The following MAST4 variants were observed in gnomAD, a reference collection of about 807,000 sequenced individuals.
MAST4 encodes microtubule-associated serine/threonine-protein kinase 4.
MAST4 carries 89 observed loss-of-function variants against 162.7 expected under a neutral mutation model. That is an observed-to-expected ratio of 0.55 (90% CI 0.46 to 0.65). The LOEUF is 0.65. Ranked by LOEUF, MAST4 falls within the 30% of genes least tolerant of loss-of-function variation. The pLI, the probability that MAST4 is intolerant of heterozygous loss-of-function variation, is 0.00. For synonymous variants in MAST4, 1,479 were observed against 1,361.1 expected (o/e 1.09, Z -1.91); for missense variants, 3,153 against 3,374.0 (o/e 0.93, Z 1.62).
At chr5:66,650,234 C>T (rs1463744460) in intron 1 of MAST4, among the ~76,000 whole-genome samples, 2 of 152,106 alleles carry the variant, frequency 1.3e-5, no homozygotes, top group African/African-American at 4.8e-5. Context: ...TGTCTCCTTG[C>T]TCTGGCTTGG....
chr5:66,674,273 G>A (rs1241680650), intron 1 of MAST4, among the ~76,000 whole-genome samples: 1 of 152,142 alleles, frequency 6.6e-6, no homozygotes, highest in East Asian at 1.9e-4. Context: ...AGGTAGTAAG[G>A]CATGAGAGAG....
At chr5:66,684,997 C>T (rs979545792) in intron 1 of MAST4, among the ~76,000 whole-genome samples, 1 of 152,184 alleles carries the variant, frequency 6.6e-6, no homozygotes, top group Non-Finnish European at 1.5e-5. Context: ...TGGGGTGGCT[C>T]ATGCCTATAA....
Position 67,078,748 on chromosome 5 carries a change from T to TTATATTTATCTAAATATATA in MAST4, c.764-11411_764-11410insATTTATCTAAATATATATAT, listed in dbSNP as rs1554093745. Among the ~76,000 whole-genome samples the TTATATTTATCTAAATATATA allele has an allele frequency of 2.8e-3, 371 of 133,134 alleles. 5 individuals carry two copies. Among genetic ancestry groups the TTATATTTATCTAAATATATA allele is most frequent in the African/African-American group, 0.01 (357 of 35,666 alleles). 87.3% of individuals were successfully genotyped at this position (133,134 alleles called of 152,430 possible). A position where few individuals can be genotyped will look rare whatever the true frequency, so the allele number is the denominator to read the frequency against. On this transcript the variant is annotated intron_variant, in intron 5 of 28. Transcript: ENST00000403625. Reference sequence around the variant, plus strand: ...TATTTATATTTATCTAAATATATATTTATTTATATTTATCTAAATATATAT... The same window carrying TTATATTTATCTAAATATATA: ...TATTTATATTTATCTAAATATATATTTATATTTATCTAAATATATATATTTATATTTATCTAAATATATAT...
chr5:66,927,514 C>T (rs1764988544), intron 4 of MAST4, among the ~76,000 whole-genome samples: 1 of 152,188 alleles, frequency 6.6e-6, no homozygotes, highest in African/African-American at 2.4e-5. Context: ...CTGTCCCTTA[C>T]TCTCAACCAG....
At chr5:66,845,085 T>TTATATATATATATATA (rs752796951) in intron 3 of MAST4, among the ~76,000 whole-genome samples, 17 of 57,968 alleles carry the variant, frequency 2.9e-4, no homozygotes, top group African/African-American at 1.1e-3. Flanking sequence ...TCACTAATCT[T>TTATATATATATATATA]TATATATATA....
chr5:66,977,450 A>G (rs962719351), intron 4 of MAST4, among the ~76,000 whole-genome samples: 1 of 152,192 alleles, frequency 6.6e-6, no homozygotes, highest in African/African-American at 2.4e-5. Flanking sequence ...GAGAAAGTAG[A>G]AAAAGCAGAA....
At chr5:66,959,188 G>A (rs994209874) in intron 4 of MAST4, 20 of 778,714 alleles carry the variant, frequency 2.6e-5, no homozygotes, top group African/African-American at 1.5e-4. Context: ...TGTCATCACC[G>A]GGACGCTGGC....
intron 3 of MAST4, among the ~76,000 whole-genome samples, chr5:66,790,108 G>A (rs763167810): frequency 6.8e-6 from 1 of 146,794 alleles, no homozygotes; most frequent in Non-Finnish European, 1.5e-5. Context: ...TGTATGATAT[G>A]GAAATAGATT....
intron 4 of MAST4, among the ~76,000 whole-genome samples, chr5:66,924,324 TG>T: frequency 6.6e-6 from 1 of 152,248 alleles, no homozygotes; most frequent in Non-Finnish European, 1.5e-5. Context: ...CCTATTATTG[TG>T]GTCTATCTTT....
At chr5:67,017,757 C>T (rs1416010088) in intron 4 of MAST4, among the ~76,000 whole-genome samples, 2 of 151,884 alleles carry the variant, frequency 1.3e-5, no homozygotes, top group Admixed American at 1.3e-4. Context: ...CGCCACTATG[C>T]CCAGCTAATT....
intron 1 of MAST4, among the ~76,000 whole-genome samples, chr5:66,605,842 G>A (rs1447862165): frequency 6.6e-6 from 1 of 152,134 alleles, no homozygotes; most frequent in Non-Finnish European, 1.5e-5. Flanking sequence ...CCTCAATATC[G>A]TTTTTGTTTT....
At position 67,166,780 on chromosome 5, in the gene MAST4, A is replaced by ACCAC; in HGVS notation, c.7604_7607dup (p.Asp2537ProfsTer39). On this transcript the variant is annotated frameshift_variant, in exon 29 of 29. Transcript: ENST00000403625. LOFTEE classifies it low-confidence loss of function (END_TRUNC). ...GTCTCCACCCTGCCTCTGGAGTCAC[A>ACCAC]CCACCCCGACCCAAACACCATGGGC... 1 of 1,600,822 alleles carries ACCAC rather than the reference A, an allele frequency of 6.2e-7. No homozygotes were observed. The highest frequency in any genetic ancestry group is 1.1e-5 in the South Asian group (1 of 88,696).
chr5:66,701,398 C>T (rs538109066), intron 1 of MAST4, among the ~76,000 whole-genome samples: 4 of 152,266 alleles, frequency 2.6e-5, no homozygotes, highest in Admixed American at 6.5e-5. Flanking sequence ...GGTGCATCCC[C>T]GTGTCTCTCC....
chr5:66,881,247 A>G (rs1761673908), intron 3 of MAST4, among the ~76,000 whole-genome samples: 1 of 152,182 alleles, frequency 6.6e-6, no homozygotes, highest in South Asian at 2.1e-4. Context: ...CAGCAAAATG[A>G]CAGCTGTTTT....
rs144233492 is a variant in MAST4 at position 66,782,237 on chromosome 5, C to T, written c.518-6433C>T. ...CGAGAAGGTGGAGGTTGCAGGGAGC[C>T]GAGATAATGCCACTGCACTCCAGCC... On this transcript the variant is annotated intron_variant, in intron 2 of 28. Coordinates refer to ENST00000403625, the MANE Select transcript of MAST4 (RefSeq NM_001164664.2). Among the ~76,000 whole-genome samples, 674 of 147,844 alleles carry T rather than the reference C, an allele frequency of 4.6e-3. 6 individuals are homozygous for T. The highest frequency in any genetic ancestry group is 0.016 in the African/African-American group (641 of 40,052).
intron 1 of MAST4, among the ~76,000 whole-genome samples, chr5:66,598,834 C>A (rs572781055): frequency 7.2e-5 from 11 of 152,278 alleles, no homozygotes; most frequent in East Asian, 1.9e-4. Context: ...AACTTCTGAT[C>A]CCCATTCTGT....
At chr5:66,629,147 A>T (rs1489248702) in intron 1 of MAST4, among the ~76,000 whole-genome samples, 1 of 152,184 alleles carries the variant, frequency 6.6e-6, no homozygotes, top group African/African-American at 2.4e-5. Context: ...CTGCATTGAT[A>T]ATCACCAATA....
chr5:67,002,333 A>G lies in MAST4; in HGVS notation c.675-52071A>G, dbSNP rs1042242166. Among the ~76,000 whole-genome samples the G allele has an allele frequency of 3.9e-5, 6 of 152,172 alleles. No homozygotes were observed. In the South Asian group the frequency reaches 8.3e-4, roughly 21 times the overall value. On this transcript the variant is annotated intron_variant, in intron 4 of 28. Transcript: ENST00000403625. ...ATAGTTTCAGTGCATCTTAAGAGAA[A>G]TAAGAGATACTTGGGCTTCTGAAGT...
chr5:67,058,666 A>G (rs1038629822), intron 5 of MAST4, among the ~76,000 whole-genome samples: 1 of 152,218 alleles, frequency 6.6e-6, no homozygotes, highest in South Asian at 2.1e-4. Context: ...AAAACATTGC[A>G]TGTTGTCATT....
Sources: gnomAD v4.1 joint callset for allele counts (sites outside exome capture counted in the v4.1 genomes callset) on GRCh38, gnomAD v4.1.1 for gene constraint, MANE v1.5 for transcripts, NCBI Gene and HGNC (gene_info 2026-07-23, HGNC 2026-07-21) for gene names.